The following ARHGAP24 variants were observed in gnomAD, a reference collection of about 807,000 sequenced individuals.
ARHGAP24 encodes Rho GTPase activating protein 24.
Under a neutral mutation model 76.4 loss-of-function variants are expected in ARHGAP24, and 50 were observed. The observed-to-expected ratio is 0.65, with a 90% confidence interval of 0.52 to 0.83. The LOEUF (loss-of-function observed/expected upper bound fraction) is 0.83. ARHGAP24 is among the 40% of genes least tolerant of loss of function. ARHGAP24 has a pLI of 0.00. For synonymous variants in ARHGAP24, 345 were observed against 323.3 expected (o/e 1.07, Z -0.72); for missense variants, 930 against 914.2 (o/e 1.02, Z -0.22).
intron 5 of ARHGAP24, among the ~76,000 whole-genome samples, chr4:85,950,129 G>A (rs13110329): frequency 0.21 from 31,759 of 152,052 alleles, 3,577 homozygotes; most frequent in South Asian, 0.39. Context: ...CAGGCATGTT[G>A]CAGGTAGAAG....
intron 5 of ARHGAP24, among the ~76,000 whole-genome samples, chr4:85,953,066 G>C (rs1737710695): frequency 6.6e-6 from 1 of 152,122 alleles, no homozygotes; most frequent in Admixed American, 6.6e-5. Flanking sequence ...GGGAAGGTAG[G>C]GTCAAGAATG....
chr4:85,500,328 G>A (rs531576398), intron 1 of ARHGAP24, among the ~76,000 whole-genome samples: 1 of 152,232 alleles, frequency 6.6e-6, no homozygotes, highest in South Asian at 2.1e-4. Context: ...GTGTTCCCTG[G>A]TATTCATTTC....
At chr4:85,971,972 A>C in intron 5 of ARHGAP24, 64 bp from the exon 6 acceptor site, 1 of 1,612,492 alleles carries the variant, frequency 6.2e-7, no homozygotes, top group Non-Finnish European at 8.5e-7. Flanking sequence ...GGCTCTTGAA[A>C]AACAATAAAT....
chr4:85,543,279 T>C (rs1289308328), intron 1 of ARHGAP24, among the ~76,000 whole-genome samples: 1 of 152,202 alleles, frequency 6.6e-6, no homozygotes, highest in Non-Finnish European at 1.5e-5. Flanking sequence ...AACACATGTT[T>C]CAGAAGTATC....
chr4:85,648,017 T>C (rs1721789130), intron 2 of ARHGAP24, among the ~76,000 whole-genome samples: 1 of 152,150 alleles, frequency 6.6e-6, no homozygotes, highest in Non-Finnish European at 1.5e-5. Flanking sequence ...TTGAAAAATT[T>C]TTATTGAAGA....
chr4:85,710,226 C>T (rs1422153305), intron 2 of ARHGAP24, among the ~76,000 whole-genome samples: 1 of 152,014 alleles, frequency 6.6e-6, no homozygotes, highest in Non-Finnish European at 1.5e-5. Flanking sequence ...ATCTGATTTT[C>T]AACAAAGCTG....
chr4:85,756,482 G>T (rs768312219), intron 3 of ARHGAP24, among the ~76,000 whole-genome samples: 2 of 152,130 alleles, frequency 1.3e-5, no homozygotes, highest in Non-Finnish European at 2.9e-5. Flanking sequence ...AGGACTTTCA[G>T]AATCTAGTTC....
chr4:85,925,215 T>A (rs1024876579), intron 4 of ARHGAP24, among the ~76,000 whole-genome samples: 1 of 152,210 alleles, frequency 6.6e-6, no homozygotes, highest in South Asian at 2.1e-4. Flanking sequence ...TTGCACGTTG[T>A]TTTTTGTAGC....
At chr4:85,860,267 G>T (rs896236575) in intron 3 of ARHGAP24, among the ~76,000 whole-genome samples, 4 of 151,744 alleles carry the variant, frequency 2.6e-5, no homozygotes, top group Non-Finnish European at 4.4e-5. Context: ...GGGGAGTCAG[G>T]GTGACTTGTT....
intron 3 of ARHGAP24, among the ~76,000 whole-genome samples, chr4:85,912,690 T>G (rs1205808669): frequency 2.6e-5 from 4 of 152,178 alleles, no homozygotes; most frequent in Non-Finnish European, 5.9e-5. Context: ...AGAAAGTTGT[T>G]CCAATTAAAT....
Position 85,995,112 on chromosome 4 carries a change from T to C in ARHGAP24, c.1458T>C (p.Ile486=). The C allele has an allele frequency of 6.2e-7, 1 of 1,613,902 alleles. No homozygotes were observed. Among genetic ancestry groups the C allele is most frequent in the Non-Finnish European group, 8.5e-7 (1 of 1,179,992 alleles). The change falls in exon 9 of 10, where the codon ATT becomes ATC. Residue 486 remains isoleucine (I), a synonymous_variant. Coordinates refer to ENST00000395184, the MANE Select transcript of ARHGAP24 (RefSeq NM_001025616.3). Reference sequence around the variant, plus strand: ...AGAATGGAACGGTGCGCATGGGCATTTTGAACAGCGACACACTCGGGAACC... The same window carrying C: ...AGAATGGAACGGTGCGCATGGGCATCTTGAACAGCGACACACTCGGGAACC... ...SVQNGTVRMG[I]LNSDTLGNPT...
At chr4:85,878,599 A>G (rs1170676400) in intron 3 of ARHGAP24, among the ~76,000 whole-genome samples, 2 of 152,194 alleles carry the variant, frequency 1.3e-5, no homozygotes, top group Non-Finnish European at 2.9e-5. Context: ...GTGACATTAA[A>G]TTATATATAT....
intron 3 of ARHGAP24, among the ~76,000 whole-genome samples, chr4:85,748,047 A>G (rs1338203281): frequency 6.6e-6 from 1 of 152,240 alleles, no homozygotes; most frequent in Admixed American, 6.5e-5. Flanking sequence ...TAGTTGACAG[A>G]TACAAAATAC....
chr4:85,507,733 G>A (rs1184664794), intron 1 of ARHGAP24, among the ~76,000 whole-genome samples: 2 of 152,132 alleles, frequency 1.3e-5, no homozygotes, highest in Non-Finnish European at 2.9e-5. Flanking sequence ...AAATATAAGG[G>A]CCTATGTAAA....
intron 3 of ARHGAP24, among the ~76,000 whole-genome samples, chr4:85,843,386 G>A (rs1416059272): frequency 1.3e-5 from 2 of 152,092 alleles, no homozygotes; most frequent in Non-Finnish European, 2.9e-5. Flanking sequence ...AAGTGGCAGA[G>A]CTACTATCCA....
chr4:85,774,728 C>T (rs1330203573), intron 3 of ARHGAP24, among the ~76,000 whole-genome samples: 1 of 152,144 alleles, frequency 6.6e-6, no homozygotes, highest in East Asian at 1.9e-4. Context: ...GGGGCTCTTT[C>T]CTCATTTCCT....
At chr4:85,858,283 T>A (rs1279800860) in intron 3 of ARHGAP24, among the ~76,000 whole-genome samples, 2 of 152,188 alleles carry the variant, frequency 1.3e-5, no homozygotes, top group Non-Finnish European at 2.9e-5. Flanking sequence ...TCAGAGCCCC[T>A]GACCACATGG....
intron 1 of ARHGAP24, among the ~76,000 whole-genome samples, chr4:85,554,829 C>G (rs1043694943): frequency 3.9e-5 from 3 of 77,282 alleles, no homozygotes; most frequent in Admixed American, 1.8e-4. Context: ...CGCTATCACG[C>G]CCAGCTGATT....
chr4:85,900,356 T>G (rs10023650), intron 3 of ARHGAP24, among the ~76,000 whole-genome samples: 3 of 152,076 alleles, frequency 2.0e-5, no homozygotes, highest in Non-Finnish European at 2.9e-5. Context: ...ACAAATAGTA[T>G]GCATTTACAG....
Sources: allele counts gnomAD v4.1 joint callset (sites outside exome capture counted in the v4.1 genomes callset), GRCh38; gene constraint gnomAD v4.1.1; transcripts MANE v1.5; gene names NCBI Gene and HGNC (gene_info 2026-07-23, HGNC 2026-07-21).